The following ZFC3H1 variants were observed in gnomAD, a reference collection of about 807,000 sequenced individuals.
ZFC3H1 encodes zinc finger C3H1 domain-containing protein.
Under a neutral mutation model 243.7 loss-of-function variants are expected in ZFC3H1, and 71 were observed. The observed-to-expected ratio is 0.29, with a 90% CI of 0.24 to 0.36. The LOEUF (loss-of-function observed/expected upper bound fraction) is 0.36, where lower values mean the gene tolerates loss of function less well. ZFC3H1 is among the 10% of genes least tolerant of loss of function. The pLI is 1.00. For missense variants in ZFC3H1, 1,966 were observed against 2,317.1 expected (o/e 0.85, Z 3.11); for synonymous variants, 838 against 813.0 (o/e 1.03, Z -0.52).
chr12:71,648,179 T>C (rs1227542109), intron 2 of ZFC3H1, among the ~76,000 whole-genome samples: 2 of 152,226 alleles, frequency 1.3e-5, no homozygotes, highest in South Asian at 2.1e-4. Context: ...AATATAATGA[T>C]GACTAAATTA....
Position 71,636,504 on chromosome 12 carries a change from G to A in ZFC3H1, c.2086C>T (p.Arg696Ter). 1 of 1,603,150 alleles carries A rather than the reference G, an allele frequency of 6.2e-7. No individual in the cohort carries two copies. The highest frequency in any genetic ancestry group is 8.5e-7 in the Non-Finnish European group (1 of 1,176,320). ...TTTGTTTTTACCGAGATCACAGTTCGTGGAAGACGGGGTCCTCTGTGAAAC... is the reference window on the plus strand; with the variant it reads ...TTTGTTTTTACCGAGATCACAGTTCATGGAAGACGGGGTCCTCTGTGAAAC... ...PKFHRGPRLPRTVISLPKHKS... is the reference protein window; with the variant it reads ...PKFHRGPRLP The change falls in exon 9 of 35, where the codon CGA becomes TGA. Residue 696 changes from arginine to a stop codon, truncating the protein, a stop_gained. Coordinates refer to ENST00000378743, the MANE Select transcript of ZFC3H1 (RefSeq NM_144982.5). LOFTEE classifies it high-confidence loss of function.
At chr12:71,635,015 T>C (rs188237251) in intron 10 of ZFC3H1, among the ~76,000 whole-genome samples, 190 bp from the exon 11 acceptor site, 1 of 152,266 alleles carries the variant, frequency 6.6e-6, no homozygotes, top group Admixed American at 6.5e-5. Flanking sequence ...CGCCACCAAG[T>C]AGTGAAGATC....
At chr12:71,645,242 C>T (rs1880699945) in intron 3 of ZFC3H1, among the ~76,000 whole-genome samples, 167 bp from the exon 4 acceptor site, 1 of 152,120 alleles carries the variant, frequency 6.6e-6, no homozygotes, top group African/African-American at 2.4e-5. Context: ...GCCTGAGACT[C>T]TAATGTAATT....
At chr12:71,655,653 A>G (rs548864770) in intron 2 of ZFC3H1, among the ~76,000 whole-genome samples, 1 of 152,242 alleles carries the variant, frequency 6.6e-6, no homozygotes, top group East Asian at 1.9e-4. Flanking sequence ...TTAGATTAAA[A>G]CTTTCTCAGA....
rs116276599 is a variant in ZFC3H1 at position 71,639,162 on chromosome 12, G to A, written c.1628-647C>T. On this transcript the variant is annotated intron_variant, in intron 6 of 34. Transcript: ENST00000378743. ...GTATTTTATCTTCAATGACTTGTTA[G>A]GCTCACTGAAATACAGCAGTTTCAA... Among the ~76,000 whole-genome samples, 415 of 152,198 alleles carry A rather than the reference G, an allele frequency of 2.7e-3. 2 individuals carry two copies. The highest frequency in any genetic ancestry group is 9.3e-3 in the African/African-American group (385 of 41,526).
intron 27 of ZFC3H1, among the ~76,000 whole-genome samples, chr12:71,617,432 A>G (rs1197934653): frequency 1.3e-5 from 2 of 152,240 alleles, no homozygotes; most frequent in African/African-American, 2.4e-5. Context: ...TTTAATAAAG[A>G]TGACTTAGTA....
Position 71,618,604 on chromosome 12 carries a change from A to T in ZFC3H1, c.5144+711T>A, listed in dbSNP as rs530103123. Among the ~76,000 whole-genome samples, 6 of 152,322 alleles carry T rather than the reference A, an allele frequency of 3.9e-5. No homozygotes were observed. In the South Asian group the frequency reaches 1.2e-3, roughly 32 times the overall value. The stretch of plus-strand genomic sequence containing the variant: ...TGGTTTCTCAATAAAGCAACATAGT[A>T]GAGTAGTGGTAATAGACTACATGGC... On this transcript the variant is annotated intron_variant, in intron 27 of 34. Transcript: ENST00000378743.
At chr12:71,638,193 G>T (rs372808189) in intron 7 of ZFC3H1, among the ~76,000 whole-genome samples, 1 of 151,790 alleles carries the variant, frequency 6.6e-6, no homozygotes, top group African/African-American at 2.4e-5. Flanking sequence ...AACATGATAG[G>T]TACCGAAAAG....
At chr12:71,651,492 G>C (rs577610645) in intron 2 of ZFC3H1, among the ~76,000 whole-genome samples, 1 of 152,070 alleles carries the variant, frequency 6.6e-6, no homozygotes, top group Non-Finnish European at 1.5e-5. Context: ...TTATTTCCAA[G>C]AGCCTGGAAT....
rs140564664 is a variant in ZFC3H1, at chr12:71,659,826, T to A, written c.599-2525A>T. Among the ~76,000 whole-genome samples the A allele has an allele frequency of 1.2e-3, 177 of 152,298 alleles. 1 individual carries two copies. Among genetic ancestry groups the A allele is most frequent in the African/African-American group, 4.0e-3 (168 of 41,564 alleles). On this transcript the variant is annotated intron_variant, in intron 1 of 34. Transcript: ENST00000378743. Reference sequence around the variant, plus strand: ...CAAAAAGAAGTGCTATTCAACCTTTTCAGCTGCAGCTGAAAATGGAATGAC... The same window carrying A: ...CAAAAAGAAGTGCTATTCAACCTTTACAGCTGCAGCTGAAAATGGAATGAC...
chr12:71,656,185 G>C (rs1881013263), intron 2 of ZFC3H1, among the ~76,000 whole-genome samples: 2 of 152,096 alleles, frequency 1.3e-5, no homozygotes, highest in South Asian at 4.1e-4. Context: ...AAAGAATTCT[G>C]TATCTTAATG....
intron 1 of ZFC3H1, among the ~76,000 whole-genome samples, chr12:71,660,830 CAT>C (rs1395042293): frequency 2.0e-5 from 3 of 151,962 alleles, no homozygotes; most frequent in Non-Finnish European, 4.4e-5. Flanking sequence ...TTAAAAAACA[CAT>C]ATAAACTGGT....
At chr12:71,650,548 CATA>C (rs1353968561) in intron 2 of ZFC3H1, among the ~76,000 whole-genome samples, 1 of 151,960 alleles carries the variant, frequency 6.6e-6, no homozygotes, top group Non-Finnish European at 1.5e-5. Context: ...TAGTTAAAAC[CATA>C]ATAATGAGAA....
chr12:71,629,360 T>A (rs922127679), intron 19 of ZFC3H1, among the ~76,000 whole-genome samples: 2 of 151,850 alleles, frequency 1.3e-5, no homozygotes, highest in African/African-American at 4.8e-5. Context: ...AGAGACGGGG[T>A]TTCACCATGT....
chr12:71,641,349 T>C (rs1260999495), intron 6 of ZFC3H1, among the ~76,000 whole-genome samples: 1 of 152,194 alleles, frequency 6.6e-6, no homozygotes, highest in Non-Finnish European at 1.5e-5. Flanking sequence ...AGCCAAATAA[T>C]ACATATTTTG....
intron 2 of ZFC3H1, chr12:71,656,467 T>C (rs1371875892): frequency 1.6e-6 from 1 of 626,726 alleles, no homozygotes; most frequent in Non-Finnish European, 2.8e-6. Flanking sequence ...ATCCCAATAA[T>C]GAAGAAAACA....
chr12:71,627,992 A>T, intron 20 of ZFC3H1, 58 bp from the exon 21 acceptor site: 3 of 1,506,380 alleles, frequency 2.0e-6, no homozygotes, highest in Non-Finnish European at 2.7e-6. Flanking sequence ...AGATGCAAGA[A>T]AAAGAAAACA....
At chr12:71,638,839 A>G (rs1880532018) in intron 6 of ZFC3H1, among the ~76,000 whole-genome samples, 1 of 146,802 alleles carries the variant, frequency 6.8e-6, no homozygotes, top group African/African-American at 2.7e-5. Context: ...AAAAAAAAAC[A>G]CAAGCATATT....
intron 6 of ZFC3H1, among the ~76,000 whole-genome samples, chr12:71,641,136 AT>A (rs1240678595): frequency 6.6e-6 from 1 of 152,182 alleles, no homozygotes; most frequent in African/African-American, 2.4e-5. Context: ...AAAAGCATAG[AT>A]CATAAAGTTA....
Sources: gnomAD v4.1 joint callset for allele counts (sites outside exome capture counted in the v4.1 genomes callset) on GRCh38, gnomAD v4.1.1 for gene constraint, MANE v1.5 for transcripts, NCBI Gene and HGNC (gene_info 2026-07-23, HGNC 2026-07-21) for gene names.